The following C16orf78 variants were observed in gnomAD, a reference collection of about 807,000 sequenced individuals.
The protein encoded by C16orf78 is uncharacterized protein C16orf78.
Under a neutral mutation model 27.3 loss-of-function variants are expected in C16orf78, and 19 were observed. The ratio of observed to expected loss-of-function variants is 0.70; its 90% CI spans 0.49 to 1.02. C16orf78 has a LOEUF of 1.02. C16orf78 is among the 50% of genes least tolerant of loss of function. C16orf78 has a pLI of 0.00. For missense variants in C16orf78, 339 were observed against 337.0 expected, an observed-to-expected ratio of 1.01 and a Z score of -0.05; for synonymous variants, 130 against 116.1, an observed-to-expected ratio of 1.12 and a Z score of -0.77.
chr16:49,391,904 G>A lies in C16orf78; in HGVS notation c.395-4519G>A, dbSNP rs117483889. On this transcript the variant is annotated intron_variant, in intron 3 of 4. Transcript: ENST00000299191. ...AGAGCATAGCGCCAATTTCCTCCAC[G>A]CACAAACAGGGACTGCTGAGGCCAC... Among the ~76,000 whole-genome samples, 196 of 152,158 alleles carry A rather than the reference G, an allele frequency of 1.3e-3. 6 individuals carry two copies. In the East Asian group the frequency reaches 0.032, roughly 25 times the overall value.
chr16:49,373,956 T>C lies in C16orf78; in HGVS notation c.17T>C (p.Met6Thr). 2 of 1,613,986 alleles carry C rather than the reference T, an allele frequency of 1.2e-6. No homozygotes were observed. Among genetic ancestry groups the C allele is most frequent in the Non-Finnish European group, 1.7e-6 (2 of 1,179,996 alleles). Residue 6 changes from methionine to threonine, a missense_variant, in exon 1 of 5, where the codon ATG becomes ACG. Physicochemically the swap from Met to Thr is moderately conservative, Grantham distance 81 (BLOSUM62 -1). Coordinates refer to ENST00000299191, the MANE Select transcript of C16orf78 (RefSeq NM_144602.4). Reference protein sequence around the residue: MSEQQMDLKDLMPTKR... With the variant: MSEQQTDLKDLMPTKR... ...GACTCCACAATGTCAGAGCAACAAA[T>C]GGACCTGAAGGATTTAATGCCCACA...
intron 3 of C16orf78, among the ~76,000 whole-genome samples, chr16:49,380,477 T>C (rs1965272911): frequency 6.6e-6 from 1 of 152,320 alleles, no homozygotes; most frequent in African/African-American, 2.4e-5. Context: ...AAAATCCTGG[T>C]CCTGTTGGGC....
At chr16:49,384,077 G>A (rs538835352) in intron 3 of C16orf78, among the ~76,000 whole-genome samples, 50 of 152,164 alleles carry the variant, frequency 3.3e-4, no homozygotes, top group African/African-American at 9.2e-4. Flanking sequence ...GGCCAGGCAC[G>A]GTGGCTCACA....
intron 3 of C16orf78, among the ~76,000 whole-genome samples, chr16:49,392,247 C>A (rs1965421751): frequency 6.6e-6 from 1 of 152,142 alleles, no homozygotes; most frequent in South Asian, 2.1e-4. Context: ...AGTAAAGACC[C>A]CCATAATACT....
intron 4 of C16orf78, among the ~76,000 whole-genome samples, chr16:49,397,431 C>G (rs1965487708): frequency 1.3e-5 from 2 of 152,226 alleles, no homozygotes; most frequent in Non-Finnish European, 2.9e-5. Context: ...GTCTGGCAAT[C>G]TAATAACTCC....
chr16:49,375,919 CTAA>C lies in C16orf78; in HGVS notation c.151-1807_151-1805del, dbSNP rs367788850. 6.9e-4 allele frequency among the ~76,000 whole-genome samples: 105 copies of C among 152,312 alleles called. 2 individuals are homozygous for C. Among genetic ancestry groups the C allele is most frequent in the African/African-American group, 2.4e-3 (100 of 41,564 alleles). Reference sequence around the variant, plus strand: ...TATCTCCTTTTACCAGGATAAGATTCTAATAATCACATTTTAACAACTTTACCT... The same window carrying C: ...TATCTCCTTTTACCAGGATAAGATTCTAATCACATTTTAACAACTTTACCT... On this transcript the variant is annotated intron_variant, in intron 1 of 4. Coordinates refer to ENST00000299191, the MANE Select transcript of C16orf78 (RefSeq NM_144602.4).
chr16:49,380,207 C>T (rs1965270001), intron 3 of C16orf78, among the ~76,000 whole-genome samples: 1 of 152,154 alleles, frequency 6.6e-6, no homozygotes, highest in Non-Finnish European at 1.5e-5. Context: ...AGACTGGCTT[C>T]CTTGCTCCTC....
Position 49,377,846 on chromosome 16 carries a change from A to G in C16orf78, c.266A>G (p.Gln89Arg), listed in dbSNP as rs1467404425. ...GGNRRDTETSQQALGKRFRKD... is the reference protein window; with the variant it reads ...GGNRRDTETSRQALGKRFRKD... ...AACCGCAGGGACACGGAGACTTCCCAGCAGGTAATGCAGCCCCTCTTCCCC... is the reference window on the plus strand; with the variant it reads ...AACCGCAGGGACACGGAGACTTCCCGGCAGGTAATGCAGCCCCTCTTCCCC... Residue 89 changes from glutamine (Q) to arginine (R), a missense_variant, in exon 2 of 5, where the codon CAG becomes CGG. Transcript: ENST00000299191. The G allele has an allele frequency of 1.1e-5, 17 of 1,572,086 alleles. No individual in the cohort carries two copies. The highest frequency in any genetic ancestry group is 1.5e-5 in the Non-Finnish European group (17 of 1,157,512).
intron 3 of C16orf78, among the ~76,000 whole-genome samples, chr16:49,380,321 C>T (rs1347756061): frequency 6.6e-6 from 1 of 152,116 alleles, no homozygotes; most frequent in South Asian, 2.1e-4. Context: ...TAGTTCTGAC[C>T]CTCGATGGAA....
intron 3 of C16orf78, 53 bp downstream of exon 3, chr16:49,378,646 C>T (rs549958424): frequency 3.4e-5 from 55 of 1,605,172 alleles, no homozygotes; most frequent in Middle Eastern, 1.7e-4. Context: ...ATAATCTCCT[C>T]CTCTAGAAGA....
At chr16:49,384,143 G>A (rs544544501) in intron 3 of C16orf78, among the ~76,000 whole-genome samples, 1 of 152,230 alleles carries the variant, frequency 6.6e-6, no homozygotes, top group African/African-American at 2.4e-5. Context: ...GAGGTAGGGA[G>A]TTCGAGACCA....
Position 49,399,254 on chromosome 16 carries a change from C to G in C16orf78, c.774C>G (p.Thr258=), listed in dbSNP as rs369429905. Residue 258 remains threonine, a synonymous_variant, in exon 5 of 5, where the codon ACC becomes ACG. Coordinates refer to ENST00000299191, the MANE Select transcript of C16orf78 (RefSeq NM_144602.4). ...EEDIDAKKVF[T]GIPSMAL ...ACATAGATGCTAAAAAGGTGTTCAC[C>G]GGAATACCCAGCATGGCCCTCTAAA... The G allele has an allele frequency of 2.5e-6, 4 of 1,614,006 alleles. No individual in the cohort carries two copies. In the African/African-American group the frequency reaches 4.0e-5, roughly 16 times the overall value.
intron 3 of C16orf78, among the ~76,000 whole-genome samples, chr16:49,394,849 T>A (rs145880960): frequency 6.6e-6 from 1 of 152,194 alleles, no homozygotes; most frequent in East Asian, 1.9e-4. Context: ...ACTAGACAAC[T>A]ATAGTTTTTT....
intron 3 of C16orf78, among the ~76,000 whole-genome samples, chr16:49,380,074 T>C (rs1965268871): frequency 6.6e-6 from 1 of 152,196 alleles, no homozygotes; most frequent in South Asian, 2.1e-4. Context: ...AACATCAGAC[T>C]CCAAATTCTT....
At chr16:49,385,333 A>T (rs1022147287) in intron 3 of C16orf78, among the ~76,000 whole-genome samples, 1 of 152,204 alleles carries the variant, frequency 6.6e-6, no homozygotes, top group African/African-American at 2.4e-5. Flanking sequence ...TTAGTATATG[A>T]TCTAAGTTAA....
chr16:49,398,930 AC>A (rs1965507130), intron 4 of C16orf78, among the ~76,000 whole-genome samples, 200 bp from the exon 5 acceptor site: 1 of 152,208 alleles, frequency 6.6e-6, no homozygotes, highest in South Asian at 2.1e-4. Flanking sequence ...CAAAAGAGTT[AC>A]ACAAACGCAA....
chr16:49,388,102 T>C (rs1402391214), intron 3 of C16orf78, among the ~76,000 whole-genome samples: 1 of 152,096 alleles, frequency 6.6e-6, no homozygotes, highest in African/African-American at 2.4e-5. Flanking sequence ...CTGGACAACA[T>C]AGTGAGATCC....
At chr16:49,386,354 A>C (rs547683627) in intron 3 of C16orf78, among the ~76,000 whole-genome samples, 24 of 152,242 alleles carry the variant, frequency 1.6e-4, no homozygotes, top group Non-Finnish European at 2.9e-4. Context: ...GACCAAATGG[A>C]CCTAACATAT....
chr16:49,375,781 C>T (rs1166909759), intron 1 of C16orf78, among the ~76,000 whole-genome samples: 6 of 152,250 alleles, frequency 3.9e-5, no homozygotes, highest in African/African-American at 1.4e-4. Flanking sequence ...AGATAGCCTA[C>T]CCACTGCCTT....
Sources: gnomAD v4.1 joint callset for allele counts (sites outside exome capture counted in the v4.1 genomes callset) on GRCh38, gnomAD v4.1.1 for gene constraint, MANE v1.5 for transcripts, NCBI Gene and HGNC (gene_info 2026-07-23, HGNC 2026-07-21) for gene names.